GPI: variants seen among roughly 807,000 people sequenced by gnomAD.
GPI encodes D-hexose-6-phosphate anomerase.
Under a neutral mutation model 75.8 loss-of-function variants are expected in GPI, and 56 were observed. The observed-to-expected ratio is 0.74, with a 90% CI of 0.60 to 0.92. The LOEUF (loss-of-function observed/expected upper bound fraction) is 0.92, where lower values mean the gene tolerates loss of function less well. Ranked by LOEUF, GPI falls within the 40% of genes least tolerant of loss-of-function variation. The pLI is 0.00. For missense variants in GPI, 638 were observed against 741.0 expected (o/e 0.86, Z 1.61); for synonymous variants, 288 against 285.4 (o/e 1.01, Z -0.09).
chr19:34,379,418 A>G (rs1226794910), intron 7 of GPI, 100 bp from the exon 8 acceptor site: 1 of 1,018,132 alleles, frequency 9.8e-7, no homozygotes, highest in African/African-American at 1.6e-5. Context: ...AGGACTGGGA[A>G]TCTCAGTCCC....
Position 34,401,048 on chromosome 19 carries a change from ACT to A in GPI, c.*1013_*1014del. The A allele has an allele frequency of 7.2e-6, 1 of 138,358 alleles. No individual in the cohort carries two copies. The highest frequency in any genetic ancestry group is 2.0e-4 in the East Asian group (1 of 4,936). The allele number at this position is 138,358 out of a possible 1,614,324, so 8.6% of individuals were successfully genotyped here. A position where few individuals can be genotyped will look rare whatever the true frequency, so the allele number is the denominator to read the frequency against. On this transcript the variant is annotated 3_prime_UTR_variant, in exon 18 of 18. Coordinates refer to ENST00000356487, the MANE Select transcript of GPI (RefSeq NM_000175.5). Reference sequence around the variant, plus strand: ...GCCCATTTTTTTTTTTTTTTTGACAACTTTTTTTTTTTTTTGAGACAGGGTCT... The same window carrying A: ...GCCCATTTTTTTTTTTTTTTTGACAATTTTTTTTTTTTTGAGACAGGGTCT...
At chr19:34,382,237 G>A (rs556999502) in intron 9 of GPI, among the ~76,000 whole-genome samples, 20 of 152,308 alleles carry the variant, frequency 1.3e-4, no homozygotes, top group Middle Eastern at 6.8e-3. Flanking sequence ...GGGCTCTAAC[G>A]CTGTGGCAGG....
At chr19:34,399,094 C>A in intron 14 of GPI, 113 bp from the exon 15 acceptor site, 2 of 956,708 alleles carry the variant, frequency 2.1e-6, no homozygotes, top group Non-Finnish European at 1.6e-6. Context: ...CTGAGCTGTA[C>A]AGCGAGTGAC....
At chr19:34,367,785 A>C (rs1014561709) in intron 3 of GPI, among the ~76,000 whole-genome samples, 4 of 152,312 alleles carry the variant, frequency 2.6e-5, no homozygotes, top group Admixed American at 2.0e-4. Flanking sequence ...TGGTGAGGGA[A>C]GCTTGAGTTG....
upstream of GPI, chr19:34,364,928 C>A: frequency 6.6e-7 from 1 of 1,512,932 alleles, no homozygotes; most frequent in East Asian, 2.5e-5. Flanking sequence ...TCTCTGCAGC[C>A]TCCAACACCT....
chr19:34,380,026 T>G (rs1477033323), intron 8 of GPI, among the ~76,000 whole-genome samples: 1 of 128,724 alleles, frequency 7.8e-6, no homozygotes, highest in Non-Finnish European at 1.6e-5. Context: ...TAAGACAGTC[T>G]CACTCTGTTG....
chr19:34,376,509 A>C (rs1364356289), intron 4 of GPI, among the ~76,000 whole-genome samples: 1 of 149,392 alleles, frequency 6.7e-6, no homozygotes, highest in Admixed American at 6.8e-5. Context: ...GGCTGCAGTG[A>C]GCTGAGATCG....
In GPI at chr19:34,402,243, C is replaced by T. The variant is rs1254827893; in HGVS notation, c.*2207C>T. ...TCTGGAGACAAAGGAGCATTCACTT[C>T]AGCCTCTGACTGGTGGCAGGCCAAG... On this transcript the variant is annotated 3_prime_UTR_variant, in exon 18 of 18. Transcript: ENST00000356487. 1 of 152,160 alleles carries T rather than the reference C, an allele frequency of 6.6e-6. No individual in the cohort carries two copies. Among genetic ancestry groups the T allele is most frequent in the Non-Finnish European group, 1.5e-5 (1 of 68,042 alleles). 9.4% of individuals were successfully genotyped at this position (152,160 alleles called of 1,614,324 possible). A position where few individuals can be genotyped will look rare whatever the true frequency, so the allele number is the denominator to read the frequency against.
rs917595310 is a variant in GPI, at chr19:34,398,255, A to G, written c.1270-952A>G. ...TTTTTTGTAGAGATGGAGTCTCAGT[A>G]TGTTGCCCAAGCTGCCCTCGAACTC... On this transcript the variant is annotated intron_variant, in intron 14 of 17. Coordinates refer to ENST00000356487, the MANE Select transcript of GPI (RefSeq NM_000175.5). The G allele has an allele frequency of 1.3e-5, 2 of 151,870 alleles. 1 individual carries two copies. Among genetic ancestry groups the G allele is most frequent in the South Asian group, 4.2e-4 (2 of 4,818 alleles). The allele number at this position is 151,870 out of a possible 1,614,324, so 9.4% of individuals were successfully genotyped here. A position where few individuals can be genotyped will look rare whatever the true frequency, so the allele number is the denominator to read the frequency against.
At chr19:34,366,131 C>T (rs1370060349) in intron 1 of GPI, 9 of 696,358 alleles carry the variant, frequency 1.3e-5, no homozygotes, top group East Asian at 2.7e-5. Flanking sequence ...CCTGCATCTA[C>T]GGTCTGTGAG....
intron 8 of GPI, 38 bp downstream of exon 8, chr19:34,379,600 G>A (rs768399400): frequency 1.9e-6 from 3 of 1,539,850 alleles, no homozygotes; most frequent in Non-Finnish European, 2.7e-6. Flanking sequence ...GCCTTCCTGG[G>A]AGTGCCCAGC....
intron 8 of GPI, among the ~76,000 whole-genome samples, chr19:34,380,226 C>G (rs140262260): frequency 2.0e-5 from 3 of 151,768 alleles, no homozygotes; most frequent in Non-Finnish European, 4.4e-5. Context: ...TGACTCCTGA[C>G]CTTAAGTGAT....
At chr19:34,390,002 T>C (rs1599844327) in intron 9 of GPI, among the ~76,000 whole-genome samples, 2 of 152,292 alleles carry the variant, frequency 1.3e-5, no homozygotes, top group East Asian at 1.9e-4. Context: ...GTGTGAATGA[T>C]AGGCCTAGGT....
upstream of GPI, among the ~76,000 whole-genome samples, chr19:34,361,487 T>C (rs2074301265): frequency 6.6e-6 from 1 of 152,212 alleles, no homozygotes; most frequent in Admixed American, 6.5e-5. Flanking sequence ...GGATTTAGCA[T>C]GGAGCTGTGC....
chr19:34,367,626 C>T (rs1265909346), intron 3 of GPI, among the ~76,000 whole-genome samples: 1 of 152,214 alleles, frequency 6.6e-6, no homozygotes, highest in Non-Finnish European at 1.5e-5. Flanking sequence ...GATCCTTTTC[C>T]TGCCCACCTG....
chr19:34,402,144 A>G lies in GPI; in HGVS notation c.*2108A>G, dbSNP rs2075031616. 1 of 141,688 alleles carries G rather than the reference A, an allele frequency of 7.1e-6. No homozygotes were observed. The highest frequency in any genetic ancestry group is 2.6e-5 in the African/African-American group (1 of 38,680). The allele number at this position is 141,688 out of a possible 1,614,324, so 8.8% of individuals were successfully genotyped here. ...TTTTTGTAGATCAGTGTACTGTTGT[A>G]AAAAAAAAAAAATAAGAAAAATAAA... On this transcript the variant is annotated 3_prime_UTR_variant, in exon 18 of 18. Transcript: ENST00000356487.
chr19:34,396,088 G>GC (rs1470818047), intron 12 of GPI, among the ~76,000 whole-genome samples: 1 of 151,892 alleles, frequency 6.6e-6, no homozygotes, highest in African/African-American at 2.4e-5. Flanking sequence ...ACAGGCATGC[G>GC]CCATCACACC....
Position 34,402,192 on chromosome 19 carries a change from G to A in GPI, c.*2156G>A, listed in dbSNP as rs2075032257. The A allele has an allele frequency of 6.6e-6, 1 of 151,990 alleles. No individual in the cohort carries two copies. Among genetic ancestry groups the A allele is most frequent in the Non-Finnish European group, 1.5e-5 (1 of 68,006 alleles). The allele number at this position is 151,990 out of a possible 1,614,324, so 9.4% of individuals were successfully genotyped here. ...AAAAAATAAATTTTTGTAGTGATAGGATCCCACTGAGGCCAGAGAATAGGG... is the reference window on the plus strand; with the variant it reads ...AAAAAATAAATTTTTGTAGTGATAGAATCCCACTGAGGCCAGAGAATAGGG... On this transcript the variant is annotated 3_prime_UTR_variant, in exon 18 of 18. Transcript: ENST00000356487.
chr19:34,370,281 G>A (rs982003093), intron 4 of GPI, among the ~76,000 whole-genome samples: 17 of 152,316 alleles, frequency 1.1e-4, no homozygotes, highest in African/African-American at 3.1e-4. Context: ...GGGTGATGCC[G>A]GTGTGCCTGT....
Sources: allele counts gnomAD v4.1 joint callset (sites outside exome capture counted in the v4.1 genomes callset), GRCh38; gene constraint gnomAD v4.1.1; transcripts MANE v1.5; gene names NCBI Gene and HGNC (gene_info 2026-07-23, HGNC 2026-07-21).